The following SLC25A42 variants were observed in gnomAD, a reference collection of about 807,000 sequenced individuals.
The protein encoded by SLC25A42 is mitochondrial coenzyme A transporter SLC25A42.
In SLC25A42, 19 loss-of-function variants were observed where a neutral mutation model predicts 34.7. That is an observed-to-expected ratio of 0.55 (90% CI 0.38 to 0.80). The LOEUF (loss-of-function observed/expected upper bound fraction) is 0.80, where lower values mean the gene tolerates loss of function less well. Ranked by LOEUF, SLC25A42 falls within the 30% of genes least tolerant of loss-of-function variation. The pLI is 0.00. For synonymous variants in SLC25A42, 205 were observed against 191.2 expected (o/e 1.07, Z -0.59); for missense variants, 364 against 441.3 (o/e 0.82, Z 1.57).
At chr19:19,094,511 G>A (rs1347000692) in intron 1 of SLC25A42, among the ~76,000 whole-genome samples, 1 of 152,052 alleles carries the variant, frequency 6.6e-6, no homozygotes, top group East Asian at 1.9e-4. Context: ...GCACCTCCAC[G>A]TACGTGCTCT....
chr19:19,090,180 C>T (rs7255937), intron 1 of SLC25A42, among the ~76,000 whole-genome samples: 104,349 of 151,914 alleles, frequency 0.69, 36,610 homozygotes, highest in East Asian at 0.89. Context: ...GTCTGTCCCC[C>T]AACCCCCCAA....
rs1023163519 is a variant in SLC25A42, at chr19:19,107,924, C to T, written c.528C>T (p.Arg176=). ...MYSNIFHVFI[R]ISREEGLKTL... ...GCAACATCTTTCATGTCTTCATCCG[C>T]ATCTCGAGAGAAGAGGGGCTGAAGA... The change falls in exon 7 of 8, where the codon CGC becomes CGT. Residue 176 remains arginine, a synonymous_variant. Coordinates refer to ENST00000318596, the MANE Select transcript of SLC25A42 (RefSeq NM_178526.5). 2 of 1,614,052 alleles carry T rather than the reference C, an allele frequency of 1.2e-6. No homozygotes were observed. The highest frequency in any genetic ancestry group is 8.5e-7 in the Non-Finnish European group (1 of 1,180,028).
At chr19:19,067,226 G>A (rs2059607456) in intron 1 of SLC25A42, among the ~76,000 whole-genome samples, 1 of 152,066 alleles carries the variant, frequency 6.6e-6, no homozygotes. Context: ...CCTGTCTTAG[G>A]TGTTCTGGCT....
At chr19:19,091,793 C>G (rs1033571324) in intron 1 of SLC25A42, among the ~76,000 whole-genome samples, 3 of 152,192 alleles carry the variant, frequency 2.0e-5, no homozygotes, top group Non-Finnish European at 2.9e-5. Flanking sequence ...GGGAGGATCA[C>G]TTGAGACCAG....
At position 19,104,806 on chromosome 19, in the gene SLC25A42, G is replaced by A; in HGVS notation, c.188-107G>A. The A allele has an allele frequency of 2.3e-6, 3 of 1,286,806 alleles. No individual in the cohort carries two copies. In the South Asian group the frequency reaches 3.7e-5, roughly 16 times the overall value. The allele number at this position is 1,286,806 out of a possible 1,614,324, so 79.7% of individuals were successfully genotyped here. ...GCTCCCATTCCTGGGACAAGATTGGGGGGAAAAGGAGGGTGACTCTGCTAG... is the reference window on the plus strand; with the variant it reads ...GCTCCCATTCCTGGGACAAGATTGGAGGGAAAAGGAGGGTGACTCTGCTAG... On this transcript the variant is annotated intron_variant, in intron 3 of 7. Transcript: ENST00000318596.
At chr19:19,065,937 A>G (rs1014039506) in intron 1 of SLC25A42, among the ~76,000 whole-genome samples, 1 of 151,360 alleles carries the variant, frequency 6.6e-6, no homozygotes, top group African/African-American at 2.4e-5. Context: ...GCTCACGGCA[A>G]CCTCTGCCTC....
Position 19,081,516 on chromosome 19 carries a change from G to A in SLC25A42, c.-34-14575G>A, listed in dbSNP as rs1175392557. 3.3e-5 allele frequency among the ~76,000 whole-genome samples: 5 copies of A among 152,190 alleles called. No individual in the cohort carries two copies. Among genetic ancestry groups the A allele is most frequent in the Admixed American group, 2.0e-4 (3 of 15,280 alleles). On this transcript the variant is annotated intron_variant, in intron 1 of 7. Transcript: ENST00000318596. The surrounding 1 kb of genome is among the most constrained non-coding windows in gnomAD (Gnocchi z 4.5). Reference sequence around the variant, plus strand: ...ACAACCTCTTCTCGCTTGGGAAGCCGAGGTGGGGGCTGATGGGCGTAGGTA... The same window carrying A: ...ACAACCTCTTCTCGCTTGGGAAGCCAAGGTGGGGGCTGATGGGCGTAGGTA...
chr19:19,092,900 T>G (rs757220), intron 1 of SLC25A42, among the ~76,000 whole-genome samples: 43 of 152,082 alleles, frequency 2.8e-4, no homozygotes, highest in South Asian at 2.5e-3. Context: ...CTGATTGTTG[T>G]GGGGGGCGGA....
Position 19,110,796 on chromosome 19 carries a change from G to C in SLC25A42, c.877G>C (p.Val293Leu). 1 of 1,613,890 alleles carries C rather than the reference G, an allele frequency of 6.2e-7. No homozygotes were observed. The highest frequency in any genetic ancestry group is 8.5e-7 in the Non-Finnish European group (1 of 1,180,010). Residue 293 changes from valine (V) to leucine (L), a missense_variant, in exon 8 of 8, where the codon GTC (valine) becomes CTC (leucine). Val to Leu is a conservative substitution (Grantham distance 32). Coordinates refer to ENST00000318596, the MANE Select transcript of SLC25A42 (RefSeq NM_178526.5). ...CTACAAAGGCTTGAGCATGAACTGGGTCAAGGGTCCCATCGCCGTGGGCAT... is the reference window on the plus strand; with the variant it reads ...CTACAAAGGCTTGAGCATGAACTGGCTCAAGGGTCCCATCGCCGTGGGCAT... ...GLYKGLSMNWVKGPIAVGISF... is the reference protein window; with the variant it reads ...GLYKGLSMNWLKGPIAVGISF...
intron 1 of SLC25A42, among the ~76,000 whole-genome samples, chr19:19,089,600 G>A (rs1051907363): frequency 6.6e-6 from 1 of 151,228 alleles, no homozygotes; most frequent in Admixed American, 6.6e-5. Context: ...AGGTGTGGTA[G>A]CTCACACCTG....
intron 1 of SLC25A42, among the ~76,000 whole-genome samples, chr19:19,084,419 T>C (rs538492999): frequency 6.6e-6 from 1 of 152,312 alleles, no homozygotes; most frequent in East Asian, 1.9e-4. Context: ...TGGCGGTGGA[T>C]GTATAGCATC....
chr19:19,095,308 A>G (rs1321237729), intron 1 of SLC25A42, among the ~76,000 whole-genome samples: 1 of 149,972 alleles, frequency 6.7e-6, no homozygotes, highest in Non-Finnish European at 1.5e-5. Flanking sequence ...ACTGCACTTG[A>G]GCCTGGGTGG....
chr19:19,096,336 G>A, intron 2 of SLC25A42, 131 bp downstream of exon 2: 1 of 666,928 alleles, frequency 1.5e-6, no homozygotes, highest in Non-Finnish European at 2.6e-6. Context: ...TTCCTCTGCT[G>A]TGCTCCATGC....
chr19:19,073,791 C>G (rs1230125801), intron 1 of SLC25A42, among the ~76,000 whole-genome samples: 1 of 152,192 alleles, frequency 6.6e-6, no homozygotes, highest in African/African-American at 2.4e-5. Flanking sequence ...CCAGGATAGT[C>G]TTGAACTCCC....
At chr19:19,106,497 C>G in intron 6 of SLC25A42, 112 bp downstream of exon 6, 1 of 788,280 alleles carries the variant, frequency 1.3e-6, no homozygotes. Context: ...TCTGGGCCTC[C>G]GTGTCCACAG....
At chr19:19,087,010 A>G (rs1006951191) in intron 1 of SLC25A42, among the ~76,000 whole-genome samples, 1 of 152,126 alleles carries the variant, frequency 6.6e-6, no homozygotes, top group Non-Finnish European at 1.5e-5. Flanking sequence ...GGTTACCAGT[A>G]ATTGATACAA....
intron 3 of SLC25A42, among the ~76,000 whole-genome samples, chr19:19,102,245 G>A (rs1337622280): frequency 1.3e-5 from 2 of 151,764 alleles, no homozygotes; most frequent in South Asian, 2.1e-4. Flanking sequence ...TCCTGACCTC[G>A]TAATCCGCCC....
intron 1 of SLC25A42, among the ~76,000 whole-genome samples, chr19:19,078,602 G>C (rs1170341133): frequency 2.0e-5 from 3 of 152,206 alleles, no homozygotes; most frequent in Non-Finnish European, 4.4e-5. Context: ...CATGCAGCAA[G>C]CACACAGAGG....
chr19:19,094,009 A>G (rs1340494422), intron 1 of SLC25A42, among the ~76,000 whole-genome samples: 1 of 152,094 alleles, frequency 6.6e-6, no homozygotes, highest in Admixed American at 6.6e-5. Flanking sequence ...GGGGTGATGG[A>G]TCTGGGGGAG....
Sources: gnomAD v4.1 joint callset for allele counts (sites outside exome capture counted in the v4.1 genomes callset) on GRCh38, gnomAD v4.1.1 for gene constraint, Gnocchi (gnomAD v3.1) non-coding constraint, MANE v1.5 for transcripts, NCBI Gene and HGNC (gene_info 2026-07-23, HGNC 2026-07-21) for gene names.